Variants in DENND1A observed in about 807,000 individuals in gnomAD.
DENND1A encodes the protein DENN domain-containing protein 1A.
Under a neutral mutation model 113.7 loss-of-function variants are expected in DENND1A, and 51 were observed. The observed-to-expected ratio is 0.45, with a 90% CI of 0.36 to 0.57. The LOEUF (loss-of-function observed/expected upper bound fraction) is 0.57, where lower values mean the gene tolerates loss of function less well. Ranked by LOEUF, DENND1A falls within the 20% of genes least tolerant of loss-of-function variation. DENND1A has a pLI of 0.00. For synonymous variants in DENND1A, 565 were observed against 570.8 expected (o/e 0.99, Z 0.14); for missense variants, 1,258 against 1,395.9 (o/e 0.90, Z 1.57).
chr9:123,491,033 G>A (rs921321838), intron 13 of DENND1A, among the ~76,000 whole-genome samples: 1 of 152,250 alleles, frequency 6.6e-6, no homozygotes, highest in Non-Finnish European at 1.5e-5. Flanking sequence ...GCCTGGCTAA[G>A]ACTATCTGAA....
Position 123,896,342 on chromosome 9 carries a change from A to C in DENND1A, c.18-17321T>G, listed in dbSNP as rs544459890. ...ACAAACAAACAAACAAAAAAAAAAA[A>C]CCCTCAACCCCAGAATTTAAACCGA... On this transcript the variant is annotated intron_variant, in intron 1 of 23. Transcript: ENST00000394215. 2.7e-3 allele frequency among the ~76,000 whole-genome samples: 409 copies of C among 151,754 alleles called. 3 individuals are homozygous for C. The highest frequency in any genetic ancestry group is 4.8e-3 in the African/African-American group (201 of 41,444).
At chr9:123,639,855 C>G (rs993941716) in intron 9 of DENND1A, among the ~76,000 whole-genome samples, 7 of 151,622 alleles carry the variant, frequency 4.6e-5, no homozygotes, top group African/African-American at 1.7e-4. Flanking sequence ...ATCTGCCAAT[C>G]ACTGAGAACA....
chr9:123,509,339 G>A (rs1158620538), intron 13 of DENND1A, among the ~76,000 whole-genome samples: 1 of 152,224 alleles, frequency 6.6e-6, no homozygotes, highest in Non-Finnish European at 1.5e-5. Context: ...TGGAGTTGGA[G>A]AGTCAGACAG....
intron 2 of DENND1A, among the ~76,000 whole-genome samples, chr9:123,829,581 T>C (rs1040073534): frequency 6.6e-6 from 1 of 151,572 alleles, no homozygotes; most frequent in Non-Finnish European, 1.5e-5. Context: ...ATATTGAAGA[T>C]AGGAAAAGAA....
chr9:123,742,738 C>T (rs1317594111), intron 5 of DENND1A, among the ~76,000 whole-genome samples: 1 of 152,136 alleles, frequency 6.6e-6, no homozygotes, highest in East Asian at 1.9e-4. Flanking sequence ...GTTTGAGACA[C>T]ACATTGGGAA....
intron 19 of DENND1A, among the ~76,000 whole-genome samples, chr9:123,431,364 C>T (rs757102996): frequency 6.6e-6 from 1 of 152,140 alleles, no homozygotes; most frequent in Non-Finnish European, 1.5e-5. Context: ...TTGGTTCCAA[C>T]TGAGGCCCAG....
At chr9:123,681,102 G>A (rs1402490344) in intron 5 of DENND1A, among the ~76,000 whole-genome samples, 1 of 152,102 alleles carries the variant, frequency 6.6e-6, no homozygotes, top group Non-Finnish European at 1.5e-5. Flanking sequence ...CGTCTGAGCA[G>A]GATGAGGAGG....
intron 11 of DENND1A, among the ~76,000 whole-genome samples, 191 bp downstream of exon 11, chr9:123,609,245 T>C (rs897652819): frequency 6.6e-6 from 1 of 152,186 alleles, no homozygotes; most frequent in Admixed American, 6.6e-5. Context: ...CTCGGCAAAG[T>C]GGGAAAACCC....
chr9:123,450,803 T>C (rs2132672417), intron 17 of DENND1A, 54 bp from the exon 18 acceptor site: 1 of 1,457,884 alleles, frequency 6.9e-7, no homozygotes, highest in East Asian at 2.3e-5. Flanking sequence ...CAGCAGGGAC[T>C]ATGCTTGATT....
intron 2 of DENND1A, among the ~76,000 whole-genome samples, chr9:123,875,818 G>A (rs750574013): frequency 3.3e-5 from 5 of 152,146 alleles, no homozygotes; most frequent in Non-Finnish European, 5.9e-5. Flanking sequence ...ACCATGTTCC[G>A]TAGGCCCCAG....
At chr9:123,632,252 G>C (rs2138677879) in intron 9 of DENND1A, among the ~76,000 whole-genome samples, 1 of 151,676 alleles carries the variant, frequency 6.6e-6, no homozygotes, top group Admixed American at 6.6e-5. Context: ...TCCATGCCAT[G>C]AACTGGAACT....
At chr9:123,632,007 T>G (rs966869110) in intron 9 of DENND1A, among the ~76,000 whole-genome samples, 14 of 152,330 alleles carry the variant, frequency 9.2e-5, no homozygotes, top group African/African-American at 3.4e-4. Flanking sequence ...GGACTTTGCT[T>G]CTTTTGGAAG....
At chr9:123,926,727 A>G (rs1179081904) in intron 1 of DENND1A, among the ~76,000 whole-genome samples, 2 of 151,986 alleles carry the variant, frequency 1.3e-5, no homozygotes, top group African/African-American at 4.8e-5. Context: ...GAATCTTAAT[A>G]TAGATCCTAA....
intron 2 of DENND1A, among the ~76,000 whole-genome samples, chr9:123,828,210 G>A (rs1197903097): frequency 6.6e-6 from 1 of 152,028 alleles, no homozygotes; most frequent in Non-Finnish European, 1.5e-5. Context: ...AAAAGATTGA[G>A]AGTTTTGCAT....
At chr9:123,750,007 A>C (rs1056730816) in intron 5 of DENND1A, among the ~76,000 whole-genome samples, 1 of 152,224 alleles carries the variant, frequency 6.6e-6, no homozygotes, top group African/African-American at 2.4e-5. Context: ...AGGCTGTGCC[A>C]GGCTGGTGTC....
Position 123,522,965 on chromosome 9 carries a change from A to G in DENND1A, c.993+34605T>C, listed in dbSNP as rs1000252610. Among the ~76,000 whole-genome samples the G allele has an allele frequency of 8.5e-5, 13 of 152,366 alleles. No homozygotes were observed. The East Asian group carries it at 1.9e-3, about 23-fold the overall frequency. ...CTATGTGCTAGGAATACAGACGTGA[A>G]TAAGAACTGAGCTCTCTTTTCCTTC... is the stretch of plus-strand genomic sequence containing the variant. On this transcript the variant is annotated intron_variant, in intron 13 of 23. Coordinates refer to ENST00000394215, the MANE Select transcript of DENND1A (RefSeq NM_001352964.2).
At chr9:123,429,040 T>C (rs1300633837) in intron 19 of DENND1A, among the ~76,000 whole-genome samples, 1 of 152,184 alleles carries the variant, frequency 6.6e-6, no homozygotes, top group African/African-American at 2.4e-5. Context: ...GAAAAAACTA[T>C]TTTAAAATTC....
chr9:123,649,882 A>G (rs1399922550), intron 9 of DENND1A, among the ~76,000 whole-genome samples: 3 of 152,326 alleles, frequency 2.0e-5, no homozygotes, highest in East Asian at 1.9e-4. Context: ...TTCCTTATCT[A>G]TAAGATGGAA....
At chr9:123,586,125 C>G (rs955864088) in intron 11 of DENND1A, among the ~76,000 whole-genome samples, 13 of 151,994 alleles carry the variant, frequency 8.6e-5, no homozygotes, top group Non-Finnish European at 1.3e-4. Context: ...CGTGATGCCT[C>G]CAGGACACAA....
Sources: allele counts gnomAD v4.1 joint callset (sites outside exome capture counted in the v4.1 genomes callset), GRCh38; gene constraint gnomAD v4.1.1; transcripts MANE v1.5; gene names NCBI Gene and HGNC (gene_info 2026-07-23, HGNC 2026-07-21).